NEGR1: variants seen among roughly 807,000 people sequenced by gnomAD.
NEGR1 encodes the protein neuronal growth regulator 1, also known as IgLON family member 4.
NEGR1 carries 10 observed loss-of-function variants against 40.9 expected under a neutral mutation model. The observed-to-expected ratio is 0.24, with a 90% CI of 0.15 to 0.42. NEGR1 has a LOEUF of 0.42. Ranked by LOEUF, NEGR1 falls within the 10% of genes least tolerant of loss-of-function variation. NEGR1 has a pLI of 1.00. For synonymous variants in NEGR1, 185 were observed against 166.8 expected, an observed-to-expected ratio of 1.11 and a Z score of -0.84; for missense variants, 352 against 438.9, an observed-to-expected ratio of 0.80 and a Z score of 1.77.
intron 1 of NEGR1, among the ~76,000 whole-genome samples, chr1:71,947,770 T>A (rs921641592): frequency 1.6e-4 from 20 of 128,420 alleles, no homozygotes; most frequent in African/African-American, 5.9e-4. Context: ...AGCAGGTTGG[T>A]CACTTAAAAA....
At chr1:71,842,160 A>G (rs1329557703) in intron 2 of NEGR1, among the ~76,000 whole-genome samples, 1 of 151,964 alleles carries the variant, frequency 6.6e-6, no homozygotes, top group East Asian at 1.9e-4. Flanking sequence ...CTGTCCTTTT[A>G]TTTCCTTTTC....
At chr1:72,132,272 T>C (rs1650288856) in intron 1 of NEGR1, among the ~76,000 whole-genome samples, 2 of 152,152 alleles carry the variant, frequency 1.3e-5, no homozygotes, top group Non-Finnish European at 2.9e-5. Context: ...AGAATTAAAT[T>C]TGATTGCATA....
At chr1:72,079,597 A>G (rs913113958) in intron 1 of NEGR1, among the ~76,000 whole-genome samples, 1 of 152,136 alleles carries the variant, frequency 6.6e-6, no homozygotes, top group African/African-American at 2.4e-5. Flanking sequence ...GTTATAATCA[A>G]TATGTATGAA....
chr1:71,829,233 GT>G (rs966138857), intron 2 of NEGR1, among the ~76,000 whole-genome samples: 3 of 151,376 alleles, frequency 2.0e-5, no homozygotes, highest in African/African-American at 4.9e-5. Flanking sequence ...TTTCCTTTGA[GT>G]TTTTTTTCCT....
chr1:72,131,106 G>C (rs1043113505), intron 1 of NEGR1, among the ~76,000 whole-genome samples: 1 of 152,082 alleles, frequency 6.6e-6, no homozygotes, highest in Non-Finnish European at 1.5e-5. Flanking sequence ...TGTCTTCTAA[G>C]TCTCCTGACC....
chr1:71,733,163 C>T (rs1432932103), intron 3 of NEGR1, among the ~76,000 whole-genome samples: 4 of 151,308 alleles, frequency 2.6e-5, no homozygotes, highest in East Asian at 1.9e-4. Context: ...CTGATTTTAG[C>T]GTCAGAGATT....
intron 2 of NEGR1, among the ~76,000 whole-genome samples, chr1:71,920,884 A>C (rs1036641031): frequency 1.3e-5 from 2 of 152,120 alleles, no homozygotes; most frequent in African/African-American, 4.8e-5. Flanking sequence ...ATTTTTCTTA[A>C]AGTTTCAGTC....
At chr1:72,256,392 C>T (rs1655272207) in intron 1 of NEGR1, among the ~76,000 whole-genome samples, 1 of 152,180 alleles carries the variant, frequency 6.6e-6, no homozygotes, top group African/African-American at 2.4e-5. Flanking sequence ...ACCAGCTGGC[C>T]AGATCGTTTT....
chr1:72,249,066 G>T (rs1393651709), intron 1 of NEGR1, among the ~76,000 whole-genome samples: 1 of 152,200 alleles, frequency 6.6e-6, no homozygotes, highest in Non-Finnish European at 1.5e-5. Flanking sequence ...CATCACCTAT[G>T]TGAGGGTATC....
chr1:71,500,124 T>A (rs925302145), intron 6 of NEGR1, among the ~76,000 whole-genome samples: 3 of 152,136 alleles, frequency 2.0e-5, no homozygotes, highest in Admixed American at 6.6e-5. Flanking sequence ...TATATAAATA[T>A]ACCTCAAGAA....
At chr1:72,246,483 A>G (rs1468769963) in intron 1 of NEGR1, among the ~76,000 whole-genome samples, 1 of 152,216 alleles carries the variant, frequency 6.6e-6, no homozygotes, top group African/African-American at 2.4e-5. Context: ...AGCCTGCCTA[A>G]AGATAGCCCA....
intron 2 of NEGR1, among the ~76,000 whole-genome samples, chr1:71,845,604 C>A (rs551004940): frequency 6.6e-6 from 1 of 152,254 alleles, no homozygotes; most frequent in Admixed American, 6.5e-5. Flanking sequence ...ATTTTCACCA[C>A]AACCCTACAA....
chr1:72,258,069 T>C (rs527669048), intron 1 of NEGR1, among the ~76,000 whole-genome samples: 1 of 152,252 alleles, frequency 6.6e-6, no homozygotes, highest in South Asian at 2.1e-4. Flanking sequence ...TTCCCTAATC[T>C]CCATTCATGC....
chr1:72,146,208 A>C (rs1650903129), intron 1 of NEGR1, among the ~76,000 whole-genome samples: 1 of 152,322 alleles, frequency 6.6e-6, no homozygotes, highest in Admixed American at 6.5e-5. Flanking sequence ...GCACTGAAAT[A>C]ATGCCACAAG....
Position 71,770,015 on chromosome 1 carries a change from G to A in NEGR1, c.535+6157C>T, listed in dbSNP as rs116557931. ...AGAGGAAGATCTGGATCTCAAACTC[G>A]ACTGAAATCAAAATGCATTATCTTA... On this transcript the variant is annotated intron_variant, in intron 3 of 6. Transcript: ENST00000357731. Among the ~76,000 whole-genome samples, 947 of 152,202 alleles carry A rather than the reference G, an allele frequency of 6.2e-3. 6 individuals carry two copies. The highest frequency in any genetic ancestry group is 0.021 in the African/African-American group (892 of 41,534).
intron 1 of NEGR1, among the ~76,000 whole-genome samples, chr1:72,051,970 C>T (rs1385909): frequency 0.12 from 17,921 of 151,252 alleles, 1,305 homozygotes; most frequent in East Asian, 0.28. Context: ...ATTGAACTTT[C>T]AGTAAAAAAG....
chr1:72,156,075 A>G (rs1651345246), intron 1 of NEGR1, among the ~76,000 whole-genome samples: 1 of 151,990 alleles, frequency 6.6e-6, no homozygotes, highest in Non-Finnish European at 1.5e-5. Flanking sequence ...AAGGCCTACA[A>G]CCTCTTACAA....
At chr1:72,275,693 C>T (rs560545136) in intron 1 of NEGR1, among the ~76,000 whole-genome samples, 1 of 152,068 alleles carries the variant, frequency 6.6e-6, no homozygotes, top group South Asian at 2.1e-4. Flanking sequence ...AAAAATGTAC[C>T]AATAGTAGGA....
At chr1:72,252,451 A>G (rs1195411106) in intron 1 of NEGR1, among the ~76,000 whole-genome samples, 1 of 152,174 alleles carries the variant, frequency 6.6e-6, no homozygotes, top group African/African-American at 2.4e-5. Flanking sequence ...CAAAGCTCAA[A>G]AATATTTCAA....
Sources: gnomAD v4.1 joint callset for allele counts (sites outside exome capture counted in the v4.1 genomes callset) on GRCh38, gnomAD v4.1.1 for gene constraint, MANE v1.5 for transcripts, NCBI Gene and HGNC (gene_info 2026-07-23, HGNC 2026-07-21) for gene names.